The following DMRT1 variants were observed in gnomAD, a reference collection of about 807,000 sequenced individuals.
DMRT1 encodes the protein doublesex and mab-3 related transcription factor 1.
In DMRT1, 7 loss-of-function variants were observed where a neutral mutation model predicts 32.3. That is an observed-to-expected ratio of 0.22 (90% confidence interval 0.12 to 0.41). The LOEUF (loss-of-function observed/expected upper bound fraction) is 0.41. Among genes scored for constraint, DMRT1 ranks in the 10% least tolerant of loss-of-function variants. DMRT1 has a pLI of 1.00. For synonymous variants in DMRT1, 278 were observed against 206.1 expected (o/e 1.35, Z -2.99); for missense variants, 625 against 500.5 (o/e 1.25, Z -2.37).
intron 3 of DMRT1, among the ~76,000 whole-genome samples, chr9:901,808 G>T (rs1429794187): frequency 6.6e-6 from 1 of 151,716 alleles, no homozygotes; most frequent in Non-Finnish European, 1.5e-5. Context: ...TCTCACCCTT[G>T]GCCGGGAGCC....
intron 2 of DMRT1, among the ~76,000 whole-genome samples, chr9:881,430 G>T (rs1344408215): frequency 6.6e-6 from 1 of 152,184 alleles, no homozygotes; most frequent in Non-Finnish European, 1.5e-5. Context: ...CAGGGACAAA[G>T]ACAAAACATC....
At chr9:912,849 A>C (rs1366251183) in intron 3 of DMRT1, among the ~76,000 whole-genome samples, 1 of 152,076 alleles carries the variant, frequency 6.6e-6, no homozygotes, top group East Asian at 1.9e-4. Flanking sequence ...AGAGCAGTTA[A>C]ACCAGATTTT....
chr9:841,874 A>C lies in DMRT1; in HGVS notation c.36A>C (p.Thr12=). The change falls in exon 1 of 5, where the codon ACA becomes ACC. Residue 12 remains threonine, a synonymous_variant. Transcript: ENST00000382276. ...ACGAGGCATTCAGCAAGCCCTCTAC[A>C]CCGTCGGAAGCCCCTCACGCCCCCG... The part of the protein sequence containing the change: ...PNDEAFSKPS[T]PSEAPHAPGV... The C allele has an allele frequency of 6.2e-7, 1 of 1,612,558 alleles. No individual in the cohort carries two copies. Among genetic ancestry groups the C allele is most frequent in the South Asian group, 1.1e-5 (1 of 90,938 alleles).
chr9:854,304 G>T (rs887618279), intron 2 of DMRT1, among the ~76,000 whole-genome samples: 1 of 151,578 alleles, frequency 6.6e-6, no homozygotes, highest in Non-Finnish European at 1.5e-5. Flanking sequence ...TTTATTTTTG[G>T]GAAACAGAGT....
intron 4 of DMRT1, among the ~76,000 whole-genome samples, chr9:945,273 C>T (rs1337201260): frequency 3.3e-5 from 5 of 152,096 alleles, no homozygotes; most frequent in South Asian, 2.1e-4. Context: ...CCTGCTTCAG[C>T]CTTTTGAGTA....
At chr9:851,111 G>A (rs1239963386) in intron 2 of DMRT1, among the ~76,000 whole-genome samples, 4 of 151,846 alleles carry the variant, frequency 2.6e-5, no homozygotes, top group African/African-American at 9.7e-5. Flanking sequence ...AGTTGTAGGA[G>A]TTGTCATGGA....
chr9:910,083 C>T (rs1283634864), intron 3 of DMRT1, among the ~76,000 whole-genome samples: 1 of 152,172 alleles, frequency 6.6e-6, no homozygotes, highest in Non-Finnish European at 1.5e-5. Flanking sequence ...TAACTCTTCT[C>T]ATTAAGACTG....
intron 3 of DMRT1, among the ~76,000 whole-genome samples, chr9:895,474 A>C (rs1817318418): frequency 1.3e-5 from 2 of 152,230 alleles, no homozygotes; most frequent in Non-Finnish European, 2.9e-5. Flanking sequence ...ACGCAATGCC[A>C]CATATATATT....
At chr9:916,682 T>A in intron 3 of DMRT1, 81 bp from the exon 4 acceptor site, 1 of 1,552,308 alleles carries the variant, frequency 6.4e-7, no homozygotes, top group Non-Finnish European at 8.9e-7. Flanking sequence ...TGTTACCTTG[T>A]TTTAAAGAAC....
At chr9:845,804 A>G (rs892388125) in intron 1 of DMRT1, among the ~76,000 whole-genome samples, 50 of 152,076 alleles carry the variant, frequency 3.3e-4, no homozygotes, top group Non-Finnish European at 5.9e-4. Flanking sequence ...CCTGTTCCAT[A>G]TTATTCCGAT....
chr9:943,833 C>G (rs546942216), intron 4 of DMRT1, among the ~76,000 whole-genome samples: 3 of 152,290 alleles, frequency 2.0e-5, no homozygotes, highest in Admixed American at 6.5e-5. Context: ...TTTTATCTTT[C>G]TTAATCAAAA....
At chr9:878,857 C>T (rs949339425) in intron 2 of DMRT1, among the ~76,000 whole-genome samples, 4 of 152,152 alleles carry the variant, frequency 2.6e-5, no homozygotes, top group Non-Finnish European at 4.4e-5. Flanking sequence ...TTGCTACGTG[C>T]AAAGGCTGGG....
At chr9:953,525 A>T (rs1819498807) in intron 4 of DMRT1, among the ~76,000 whole-genome samples, 1 of 152,166 alleles carries the variant, frequency 6.6e-6, no homozygotes, top group African/African-American at 2.4e-5. Flanking sequence ...ATGACAGGAA[A>T]GTTTATCAAG....
chr9:859,241 A>T (rs574963971), intron 2 of DMRT1, among the ~76,000 whole-genome samples: 1 of 152,234 alleles, frequency 6.6e-6, no homozygotes, highest in South Asian at 2.1e-4. Flanking sequence ...TGCTGCTCTA[A>T]CCTGTGCCTC....
intron 4 of DMRT1, among the ~76,000 whole-genome samples, chr9:945,801 C>T (rs1001850879): frequency 2.0e-5 from 3 of 148,988 alleles, no homozygotes; most frequent in Non-Finnish European, 4.4e-5. Flanking sequence ...CCTACTTTTC[C>T]CTCATTTTAT....
chr9:944,309 AG>A (rs1819172616), intron 4 of DMRT1, among the ~76,000 whole-genome samples: 1 of 152,206 alleles, frequency 6.6e-6, no homozygotes, highest in Non-Finnish European at 1.5e-5. Context: ...GAAAGATTTC[AG>A]TGGAAAGATT....
At chr9:905,790 C>T (rs1817754039) in intron 3 of DMRT1, among the ~76,000 whole-genome samples, 2 of 152,028 alleles carry the variant, frequency 1.3e-5, no homozygotes, top group Non-Finnish European at 2.9e-5. Flanking sequence ...CTGTGAGCCT[C>T]CTTTTGTGGA....
chr9:958,746 A>T (rs166790), intron 4 of DMRT1, among the ~76,000 whole-genome samples: 107,547 of 152,186 alleles, frequency 0.71, 39,050 homozygotes, highest in Middle Eastern at 0.83. Context: ...ATTTTGTTAA[A>T]CATTGTGTTT....
intron 2 of DMRT1, among the ~76,000 whole-genome samples, chr9:865,177 G>C (rs549783816): frequency 6.6e-6 from 1 of 152,246 alleles, no homozygotes; most frequent in Admixed American, 6.5e-5. Context: ...CTTGATCAAA[G>C]TTCTCGAATA....
Sources: allele counts gnomAD v4.1 joint callset (sites outside exome capture counted in the v4.1 genomes callset), GRCh38; gene constraint gnomAD v4.1.1; transcripts MANE v1.5; gene names NCBI Gene and HGNC (gene_info 2026-07-23, HGNC 2026-07-21).